The following UTRN variants were observed in gnomAD, a reference collection of about 807,000 sequenced individuals.
UTRN encodes dystrophin-related protein 1.
A neutral mutation model predicts 463.9 loss-of-function variants in UTRN; 283 were observed. That is an observed-to-expected ratio of 0.61 (90% confidence interval 0.55 to 0.67). The LOEUF (loss-of-function observed/expected upper bound fraction) is 0.67. UTRN is among the 30% of genes least tolerant of loss of function. The pLI, the probability that UTRN is intolerant of heterozygous loss-of-function variation, is 0.00. For missense variants in UTRN, 3,922 were observed against 4,084.3 expected (o/e 0.96, Z 1.08); for synonymous variants, 1,442 against 1,431.5 (o/e 1.01, Z -0.17).
rs75887721 is a variant in UTRN at position 144,292,879 on chromosome 6, A to C, written c.79+972A>C. Among the ~76,000 whole-genome samples, 1,293 of 152,318 alleles carry C rather than the reference A, an allele frequency of 8.5e-3. 80 individuals are homozygous for C. In the East Asian group the frequency reaches 0.16, roughly 19 times the overall value. ...TTTCTTATTATGTGAAACTGTAGAA[A>C]TACACAGTGAAAATAAGATCTAAAT... On this transcript the variant is annotated intron_variant, in intron 2 of 74. Transcript: ENST00000367545.
chr6:144,824,610 A>ATATC (rs1779973840), intron 66 of UTRN, among the ~76,000 whole-genome samples: 1 of 43,614 alleles, frequency 2.3e-5, no homozygotes, highest in Non-Finnish European at 3.7e-5. Context: ...ATATATATAT[A>ATATC]TATCTTTTTT....
chr6:144,662,385 G>A (rs1779959722), intron 51 of UTRN, among the ~76,000 whole-genome samples: 1 of 152,080 alleles, frequency 6.6e-6, no homozygotes, highest in South Asian at 2.1e-4. Flanking sequence ...AAAGACCAAG[G>A]CCTACTGCTA....
intron 2 of UTRN, among the ~76,000 whole-genome samples, chr6:144,320,033 TG>T (rs1775536944): frequency 6.6e-6 from 1 of 151,832 alleles, no homozygotes; most frequent in South Asian, 2.1e-4. Context: ...TTTGTATTTT[TG>T]GTAGAGACGG....
intron 51 of UTRN, among the ~76,000 whole-genome samples, chr6:144,632,956 G>A (rs1776691695): frequency 6.6e-6 from 1 of 151,826 alleles, no homozygotes; most frequent in Admixed American, 6.6e-5. Context: ...CTCAACCTCA[G>A]GTGATCTGCC....
chr6:144,681,734 A>G (rs1782220380), intron 52 of UTRN, among the ~76,000 whole-genome samples: 1 of 152,180 alleles, frequency 6.6e-6, no homozygotes, highest in African/African-American at 2.4e-5. Context: ...TATAGTTGAT[A>G]GTATTGCAAG....
In UTRN at chr6:144,451,908, A is replaced by G. The variant is rs556489286; in HGVS notation, c.2196+415A>G. On this transcript the variant is annotated intron_variant, in intron 18 of 74. Coordinates refer to ENST00000367545, the MANE Select transcript of UTRN (RefSeq NM_007124.3). ...AGTGTATTCAATATATTTTCTTTAG[A>G]GTTGTAAAAAATAAATACAATTAAA... is the stretch of plus-strand genomic sequence containing the variant. Among the ~76,000 whole-genome samples the G allele has an allele frequency of 1.1e-3, 170 of 152,316 alleles. 1 individual carries two copies. Among genetic ancestry groups the G allele is most frequent in the African/African-American group, 3.9e-3 (161 of 41,588 alleles).
At chr6:144,844,347 T>A (rs1781844370) in intron 73 of UTRN, among the ~76,000 whole-genome samples, 1 of 151,710 alleles carries the variant, frequency 6.6e-6, no homozygotes, top group African/African-American at 2.4e-5. Flanking sequence ...CAGGTCTGTA[T>A]AACCTCCACC....
intron 2 of UTRN, chr6:144,311,810 G>GAAA (rs1806291724): frequency 6.6e-6 from 1 of 152,174 alleles, no homozygotes; most frequent in Non-Finnish European, 1.5e-5. Flanking sequence ...TAGAAATATA[G>GAAA]ATTATATGAT....
intron 53 of UTRN, among the ~76,000 whole-genome samples, chr6:144,701,966 T>G (rs1163236852): frequency 1.3e-5 from 2 of 152,140 alleles, no homozygotes; most frequent in African/African-American, 4.8e-5. Context: ...AATAGAAGAT[T>G]TAAAATGACC....
In UTRN at chr6:144,285,687, T is replaced by A. The variant is rs676859; in HGVS notation, c.-227T>A. The A allele has an allele frequency of 0.52, 78,344 of 151,692 alleles. 21,830 individuals carry two copies. Among genetic ancestry groups the A allele is most frequent in the African/African-American group, 0.74 (30,346 of 41,276 alleles). The allele number at this position is 151,692 out of a possible 1,614,324, so 9.4% of individuals were successfully genotyped here. On this transcript the variant is annotated 5_prime_UTR_variant, in exon 1 of 75. Coordinates refer to ENST00000367545, the MANE Select transcript of UTRN (RefSeq NM_007124.3). ...CTTCTCCAAGCTTTATTTTTTTTTT[T>A]AAATACATCGCACCACCAAACTAAC...
At chr6:144,557,931 T>C (rs556201124) in intron 50 of UTRN, among the ~76,000 whole-genome samples, 151 of 152,312 alleles carry the variant, frequency 9.9e-4, no homozygotes, top group African/African-American at 3.5e-3. Context: ...AAACAGTGAT[T>C]AGCATCTCTT....
intron 42 of UTRN, among the ~76,000 whole-genome samples, 195 bp from the exon 43 acceptor site, chr6:144,532,890 A>G (rs1394949480): frequency 6.6e-6 from 1 of 152,238 alleles, no homozygotes; most frequent in Non-Finnish European, 1.5e-5. Flanking sequence ...TAGATTTCAA[A>G]ATAAATTTCA....
At chr6:144,316,885 A>G (rs1775315323) in intron 2 of UTRN, among the ~76,000 whole-genome samples, 1 of 152,228 alleles carries the variant, frequency 6.6e-6, no homozygotes, top group Admixed American at 6.5e-5. Flanking sequence ...ATTCTTACAG[A>G]GAGCCACATA....
chr6:144,571,007 G>T (rs143911208), intron 50 of UTRN, among the ~76,000 whole-genome samples: 13 of 152,170 alleles, frequency 8.5e-5, no homozygotes, highest in African/African-American at 2.6e-4. Context: ...CCTATTATGT[G>T]CATATGAATA....
chr6:144,566,687 T>C (rs1800433616), intron 50 of UTRN, among the ~76,000 whole-genome samples: 1 of 152,174 alleles, frequency 6.6e-6, no homozygotes, highest in South Asian at 2.1e-4. Flanking sequence ...AAGCTCAGTA[T>C]AGGAACAGAG....
chr6:144,380,533 C>G (rs560792851), intron 2 of UTRN, among the ~76,000 whole-genome samples: 1 of 152,092 alleles, frequency 6.6e-6, no homozygotes, highest in East Asian at 1.9e-4. Flanking sequence ...TTGAGGGGCC[C>G]GGCATATTGG....
At chr6:144,520,986 A>G (rs1796035905) in intron 39 of UTRN, among the ~76,000 whole-genome samples, 1 of 152,092 alleles carries the variant, frequency 6.6e-6, no homozygotes, top group Non-Finnish European at 1.5e-5. Flanking sequence ...TTTATTGTTT[A>G]GAAAGCTCTG....
At chr6:144,573,309 T>C (rs1801128623) in intron 50 of UTRN, among the ~76,000 whole-genome samples, 1 of 152,046 alleles carries the variant, frequency 6.6e-6, no homozygotes, top group South Asian at 2.1e-4. Context: ...GCCAGTACTT[T>C]TGGAGGCTGA....
At chr6:144,496,478 A>G (rs1793656672) in intron 33 of UTRN, among the ~76,000 whole-genome samples, 2 of 150,728 alleles carry the variant, frequency 1.3e-5, no homozygotes, top group Non-Finnish European at 3.0e-5. Context: ...ATATTTATTC[A>G]CTGACTGGGC....
Sources: gnomAD v4.1 joint callset for allele counts (sites outside exome capture counted in the v4.1 genomes callset) on GRCh38, gnomAD v4.1.1 for gene constraint, MANE v1.5 for transcripts, NCBI Gene and HGNC (gene_info 2026-07-23, HGNC 2026-07-21) for gene names.